The following SERPINH1 variants were observed in gnomAD, a reference collection of about 807,000 sequenced individuals.
The protein encoded by SERPINH1 is serpin H1.
A neutral mutation model predicts 32.3 loss-of-function variants in SERPINH1; 22 were observed. That is an observed-to-expected ratio of 0.68 (90% CI 0.49 to 0.97). The LOEUF is 0.97. Ranked by LOEUF, SERPINH1 falls within the 50% of genes least tolerant of loss-of-function variation. The probability of loss-of-function intolerance (pLI) is 0.00; values close to 1 mark genes in which losing one functional copy is unlikely to be tolerated. For synonymous variants in SERPINH1, 251 were observed against 245.9 expected, an observed-to-expected ratio of 1.02 and a Z score of -0.19; for missense variants, 543 against 576.4, an observed-to-expected ratio of 0.94 and a Z score of 0.59.
At chr11:75,565,603 G>C (rs529938189) in intron 1 of SERPINH1, among the ~76,000 whole-genome samples, 1 of 99,338 alleles carries the variant, frequency 1.0e-5, no homozygotes, top group South Asian at 4.4e-4. Flanking sequence ...GACTGAGGCT[G>C]AGTGGACACA....
In SERPINH1 at chr11:75,572,186, T is replaced by A; in HGVS notation, c.*103T>A. ...GAGGTGAGGTACCAGCCTTGGATAC[T>A]CCATGGGGTGGGGGTGGAAAAACAG... On this transcript the variant is annotated 3_prime_UTR_variant, in exon 5 of 5. Coordinates refer to ENST00000358171, the MANE Select transcript of SERPINH1 (RefSeq NM_001235.5). The A allele has an allele frequency of 8.1e-6, 8 of 983,000 alleles. No individual in the cohort carries two copies. The highest frequency in any genetic ancestry group is 1.2e-5 in the Non-Finnish European group (8 of 643,628). The allele number at this position is 983,000 out of a possible 1,614,324, so 60.9% of individuals were successfully genotyped here. A position where few individuals can be genotyped will look rare whatever the true frequency, so the allele number is the denominator to read the frequency against.
At position 75,566,322 on chromosome 11, in the gene SERPINH1, C is replaced by T. The variant is rs1410778905; in HGVS notation, c.-28C>T. 1.3e-6 allele frequency: 2 copies of T among 1,599,178 alleles called. No homozygotes were observed. The highest frequency in any genetic ancestry group is 1.3e-5 in the African/African-American group (1 of 74,814). ...GTCTGTGCAATCCTCACAGGCCCACCGTGGTGCACGCAAACCACTTCCTGG... is the reference window on the plus strand; with the variant it reads ...GTCTGTGCAATCCTCACAGGCCCACTGTGGTGCACGCAAACCACTTCCTGG... On this transcript the variant is annotated 5_prime_UTR_variant, in exon 2 of 5. Coordinates refer to ENST00000358171, the MANE Select transcript of SERPINH1 (RefSeq NM_001235.5).
In SERPINH1 at chr11:75,566,922, C is replaced by A. The variant is rs745340617; in HGVS notation, c.573C>A (p.Asp191Glu). The change falls in exon 2 of 5, where the codon GAC becomes GAA. Residue 191 changes from aspartate to glutamate, a missense_variant. Transcript: ENST00000358171. ...GCAAGCTGCCCGAGGTCACCAAGGA[C>A]GTGGAGCGCACGGACGGCGCCCTGC... ...TDGKLPEVTK[D>E]VERTDGALLV... The A allele has an allele frequency of 4.0e-5, 64 of 1,606,376 alleles. No homozygotes were observed. Among genetic ancestry groups the A allele is most frequent in the South Asian group, 1.8e-4 (16 of 91,058 alleles).
Position 75,568,825 on chromosome 11 carries a change from G to T in SERPINH1, c.717G>T (p.Arg239=), listed in dbSNP as rs1228117058. ...CCGTGGGTGTCATGATGATGCACCGGACAGGTAGGTGCTGTGAGGAGCAGG... is the reference window on the plus strand; with the variant it reads ...CCGTGGGTGTCATGATGATGCACCGTACAGGTAGGTGCTGTGAGGAGCAGG... The part of the protein sequence containing the change: ...SYTVGVMMMH[R]TGLYNYYDDE... Residue 239 remains arginine, a synonymous_variant, in exon 3 of 5, where the codon CGG becomes CGT. Transcript: ENST00000358171. The T allele has an allele frequency of 8.1e-6, 13 of 1,612,428 alleles. No individual in the cohort carries two copies. The highest frequency in any genetic ancestry group is 1.0e-5 in the Non-Finnish European group (12 of 1,178,540).
chr11:75,565,871 C>T (rs192757965), intron 1 of SERPINH1, among the ~76,000 whole-genome samples: 1 of 152,310 alleles, frequency 6.6e-6, no homozygotes, highest in Admixed American at 6.5e-5. Context: ...CAGGGCTGAC[C>T]ACTCTATAAA....
At position 75,566,727 on chromosome 11, in the gene SERPINH1, G is replaced by C; in HGVS notation, c.378G>C (p.Val126=). The C allele has an allele frequency of 6.2e-7, 1 of 1,612,892 alleles. No homozygotes were observed. Among genetic ancestry groups the C allele is most frequent in the African/African-American group, 1.3e-5 (1 of 75,068 alleles). Residue 126 remains valine (V), a synonymous_variant, in exon 2 of 5, where the codon GTG becomes GTC. Transcript: ENST00000358171. ...RSLSNSTARN[V]TWKLGSRLYG... ...TCAGCAACTCCACGGCGCGCAACGT[G>C]ACCTGGAAGCTGGGCAGCCGACTGT...
At chr11:75,569,242 C>G in intron 4 of SERPINH1, 71 bp downstream of exon 4, 5 of 1,140,188 alleles carry the variant, frequency 4.4e-6, no homozygotes, top group Non-Finnish European at 6.4e-6. Flanking sequence ...GACCCACTCA[C>G]CAATTCAGCA....
Position 75,568,709 on chromosome 11 carries a change from CTG to C in SERPINH1, c.623-18_623-17del. The stretch of plus-strand genomic sequence containing the variant: ...TGGGGGCGGCCATGTGTCTCTGACC[CTG>C]TGTTTTGCCCCAACTACAGCACACT... On this transcript the variant is annotated intron_variant, in intron 2 of 4. Transcript: ENST00000358171. The C allele has an allele frequency of 6.4e-7, 1 of 1,565,976 alleles. No individual in the cohort carries two copies. The highest frequency in any genetic ancestry group is 8.8e-7 in the Non-Finnish European group (1 of 1,137,854).
At chr11:75,564,527 A>C (rs566245054) in intron 1 of SERPINH1, among the ~76,000 whole-genome samples, 97 of 152,340 alleles carry the variant, frequency 6.4e-4, no homozygotes, top group African/African-American at 2.3e-3. Flanking sequence ...TCCTGGCATA[A>C]TAATTAGTAG....
chr11:75,566,398 C>G lies in SERPINH1; in HGVS notation c.49C>G (p.Leu17Val). ...CGCCTTCTGCCTCCTGGAGGCGGCC[C>G]TGGCCGCCGAGGTGAAGAAACCTGC... ...LSAFCLLEAALAAEVKKPAAA... is the reference protein window; with the variant it reads ...LSAFCLLEAAVAAEVKKPAAA... Residue 17 changes from leucine (L) to valine (V), a missense_variant, in exon 2 of 5, where the codon CTG becomes GTG. By Grantham distance (32) the Leu-to-Val change is conservative. Coordinates refer to ENST00000358171, the MANE Select transcript of SERPINH1 (RefSeq NM_001235.5). The G allele has an allele frequency of 6.2e-7, 1 of 1,610,616 alleles. No homozygotes were observed. The highest frequency in any genetic ancestry group is 8.5e-7 in the Non-Finnish European group (1 of 1,179,130).
At position 75,566,695 on chromosome 11, in the gene SERPINH1, C is replaced by A. The variant is rs200265134; in HGVS notation, c.346C>A (p.Arg116Ser). The A allele has an allele frequency of 1.5e-4, 235 of 1,610,466 alleles. No individual in the cohort carries two copies. The highest frequency in any genetic ancestry group is 1.2e-4 in the Non-Finnish European group (136 of 1,178,782). The stretch of plus-strand genomic sequence containing the variant: ...GCACGCCGGCCTGGGCGAGCTGCTG[C>A]GCTCACTCAGCAACTCCACGGCGCG... The part of the protein sequence containing the change: ...EVHAGLGELL[R>S]SLSNSTARNV... The change falls in exon 2 of 5, where the codon CGC becomes AGC. Residue 116 changes from arginine (R) to serine (S), a missense_variant. This residue lies in a region of SERPINH1 where 427 missense variants were observed against 446.4 expected (regional missense o/e 0.96). Coordinates refer to ENST00000358171, the MANE Select transcript of SERPINH1 (RefSeq NM_001235.5).
In SERPINH1 at chr11:75,571,707, A is replaced by G. The variant is rs117514071; in HGVS notation, c.955-74A>G. 4,255 of 1,407,676 alleles carry G rather than the reference A, an allele frequency of 3.0e-3. 128 individuals carry two copies. The East Asian group carries it at 0.075, about 25-fold the overall frequency. The allele number at this position is 1,407,676 out of a possible 1,614,324, so 87.2% of individuals were successfully genotyped here. ...CTCTCTGAGGAGCGGTCAGGGTAGT[A>G]TGGGGTGGAGGGTTTGAGGGTGGAG... is the stretch of plus-strand genomic sequence containing the variant. On this transcript the variant is annotated intron_variant, in intron 4 of 4. Transcript: ENST00000358171.
chr11:75,566,889 C>CACCG lies in SERPINH1; in HGVS notation c.543_546dup (p.Gly183ArgfsTer31). 1 of 1,609,350 alleles carries CACCG rather than the reference C, an allele frequency of 6.2e-7. No individual in the cohort carries two copies. The highest frequency in any genetic ancestry group is 8.5e-7 in the Non-Finnish European group (1 of 1,179,946). On this transcript the variant is annotated frameshift_variant, in exon 2 of 5. Transcript: ENST00000358171. LOFTEE classifies it high-confidence loss of function. ...CCATCAACGAGTGGGCCGCGCAGAC[C>CACCG]ACCGACGGCAAGCTGCCCGAGGTCA...
At chr11:75,565,239 G>A (rs1565240779) in intron 1 of SERPINH1, among the ~76,000 whole-genome samples, 1 of 152,202 alleles carries the variant, frequency 6.6e-6, no homozygotes, top group Non-Finnish European at 1.5e-5. Flanking sequence ...TGGAGCAGAT[G>A]GCCTGTGTGG....
chr11:75,567,003 C>CCTT (rs2135552571), intron 2 of SERPINH1, 32 bp downstream of exon 2: 1 of 1,589,126 alleles, frequency 6.3e-7, no homozygotes, highest in Non-Finnish European at 8.5e-7. Flanking sequence ...GGGTCCTCCT[C>CCTT]CTCCTCCCAG....
At chr11:75,568,896 C>A (rs1180980328) in intron 3 of SERPINH1, 43 bp from the exon 4 acceptor site, 3 of 1,604,206 alleles carry the variant, frequency 1.9e-6, no homozygotes, top group Admixed American at 3.3e-5. Context: ...CTGACCCACC[C>A]CTGCACACAG....
Position 75,566,991 on chromosome 11 carries a change from A to C in SERPINH1, c.622+20A>C. On this transcript the variant is annotated intron_variant, in intron 2 of 4. Transcript: ENST00000358171. ...TCAAGCGTGAGTCGGGGGCGCGTTC[A>C]GGGGTCCTCCTCCTCCTCCCAGGAC... The C allele has an allele frequency of 1.9e-6, 3 of 1,565,364 alleles. No homozygotes were observed. The highest frequency in any genetic ancestry group is 2.6e-6 in the Non-Finnish European group (3 of 1,157,794).
At chr11:75,564,562 C>CT (rs1942039721) in intron 1 of SERPINH1, among the ~76,000 whole-genome samples, 1 of 152,178 alleles carries the variant, frequency 6.6e-6, no homozygotes, top group South Asian at 2.1e-4. Flanking sequence ...TTATAAGTGT[C>CT]CTTGTTTGTG....
chr11:75,569,221 G>A, intron 4 of SERPINH1, 50 bp downstream of exon 4: 1 of 1,364,208 alleles, frequency 7.3e-7, no homozygotes, highest in Non-Finnish European at 1.0e-6. Flanking sequence ...GCCAGGGGGA[G>A]GTGCTTGGGG....
Sources: allele counts gnomAD v4.1 joint callset (sites outside exome capture counted in the v4.1 genomes callset), GRCh38; gene constraint gnomAD v4.1.1; regional missense constraint gnomAD v4.1.1; transcripts MANE v1.5; gene names NCBI Gene and HGNC (gene_info 2026-07-23, HGNC 2026-07-21).